KIAA0825: variants seen among roughly 807,000 people sequenced by gnomAD.
KIAA0825 encodes the protein KIAA0825.
A neutral mutation model predicts 147.6 loss-of-function variants in KIAA0825; 119 were observed. The ratio of observed to expected loss-of-function variants is 0.81; its 90% CI spans 0.69 to 0.94. The LOEUF is 0.94. KIAA0825 is among the 40% of genes least tolerant of loss of function. The pLI is 0.00. For missense variants in KIAA0825, 1,381 were observed against 1,472.7 expected, an observed-to-expected ratio of 0.94 and a Z score of 1.02; for synonymous variants, 470 against 518.1, an observed-to-expected ratio of 0.91 and a Z score of 1.26.
At chr5:94,580,300 T>C (rs1327312750) in intron 2 of KIAA0825, among the ~76,000 whole-genome samples, 1 of 152,164 alleles carries the variant, frequency 6.6e-6, no homozygotes, top group African/African-American at 2.4e-5. Flanking sequence ...CAAGAAAAAG[T>C]CAATAAATAA....
Position 94,200,946 on chromosome 5 carries a change from C to CATATATATATATAT in KIAA0825, c.3711-46836_3711-46823dup, listed in dbSNP as rs34842887. ...TTTCTCTAGAAATATAGAATTTAAACATATATATATATATATATATATATA... is the reference window on the plus strand; with the variant it reads ...TTTCTCTAGAAATATAGAATTTAAACATATATATATATATATATATATATATATATATATATATA... On this transcript the variant is annotated intron_variant, in intron 20 of 20. Transcript: ENST00000682413. 1.9e-3 allele frequency among the ~76,000 whole-genome samples: 199 copies of CATATATATATATAT among 103,870 alleles called. 2 individuals carry two copies. The highest frequency in any genetic ancestry group is 3.0e-3 in the South Asian group (8 of 2,692). The allele number at this position is 103,870 out of a possible 152,430, so 68.1% of individuals were successfully genotyped here. A position where few individuals can be genotyped will look rare whatever the true frequency, so the allele number is the denominator to read the frequency against.
At chr5:94,162,372 T>G (rs574464953) in intron 20 of KIAA0825, among the ~76,000 whole-genome samples, 2 of 152,046 alleles carry the variant, frequency 1.3e-5, no homozygotes, top group African/African-American at 2.4e-5. Context: ...TGATCATAGT[T>G]CATTATAGCC....
chr5:94,253,826 A>G (rs1776101629), intron 20 of KIAA0825, among the ~76,000 whole-genome samples: 1 of 152,138 alleles, frequency 6.6e-6, no homozygotes, highest in Non-Finnish European at 1.5e-5. Flanking sequence ...AAAAGATATC[A>G]TCAATCCCAA....
intron 20 of KIAA0825, among the ~76,000 whole-genome samples, chr5:94,179,492 G>A (rs1268738390): frequency 1.3e-5 from 2 of 152,220 alleles, no homozygotes; most frequent in East Asian, 3.9e-4. Context: ...GTTTTGATGT[G>A]TGTGTATGCA....
intron 3 of KIAA0825, among the ~76,000 whole-genome samples, chr5:94,533,170 G>C (rs1389576795): frequency 6.6e-6 from 1 of 151,576 alleles, no homozygotes; most frequent in Non-Finnish European, 1.5e-5. Flanking sequence ...AGTAGAGGCA[G>C]GGTTTCACCG....
At chr5:94,232,624 G>C (rs1347316845) in intron 20 of KIAA0825, among the ~76,000 whole-genome samples, 1 of 152,002 alleles carries the variant, frequency 6.6e-6, no homozygotes, top group Non-Finnish European at 1.5e-5. Context: ...TTAATAACTT[G>C]CAATAACAAA....
At chr5:94,612,958 T>G (rs1484635358) in intron 1 of KIAA0825, among the ~76,000 whole-genome samples, 1 of 152,220 alleles carries the variant, frequency 6.6e-6, no homozygotes, top group African/African-American at 2.4e-5. Flanking sequence ...TTGATAGTAT[T>G]ACTTTACAGA....
chr5:94,397,484 C>G (rs1296496101), intron 16 of KIAA0825, among the ~76,000 whole-genome samples: 2 of 152,186 alleles, frequency 1.3e-5, no homozygotes, highest in African/African-American at 4.8e-5. Context: ...CTTATAAAGA[C>G]TGTTCCAATT....
intron 20 of KIAA0825, among the ~76,000 whole-genome samples, chr5:94,314,038 C>A (rs1234629702): frequency 1.3e-5 from 2 of 151,586 alleles, no homozygotes; most frequent in Admixed American, 6.6e-5. Context: ...CTCAGGGGAA[C>A]TTCTACTTGC....
At chr5:94,272,470 C>T (rs1283095193) in intron 20 of KIAA0825, among the ~76,000 whole-genome samples, 1 of 152,004 alleles carries the variant, frequency 6.6e-6, no homozygotes, top group Non-Finnish European at 1.5e-5. Flanking sequence ...TAAATATATA[C>T]ACCTACTATG....
chr5:94,194,389 C>T (rs1770939721), intron 20 of KIAA0825, among the ~76,000 whole-genome samples: 1 of 152,138 alleles, frequency 6.6e-6, no homozygotes, highest in Non-Finnish European at 1.5e-5. Context: ...CCCTCTCTCT[C>T]ACTGGGATCT....
chr5:94,508,859 T>C (rs1766104585), intron 5 of KIAA0825, among the ~76,000 whole-genome samples: 1 of 152,200 alleles, frequency 6.6e-6, no homozygotes, highest in Non-Finnish European at 1.5e-5. Flanking sequence ...GAGAAGGGAA[T>C]TGCATGTGTC....
chr5:94,552,143 C>T (rs1775666729), intron 2 of KIAA0825, among the ~76,000 whole-genome samples: 1 of 152,016 alleles, frequency 6.6e-6, no homozygotes, highest in African/African-American at 2.4e-5. Flanking sequence ...GATAAAAATA[C>T]TTCAAGTAAA....
intron 1 of KIAA0825, among the ~76,000 whole-genome samples, chr5:94,590,818 A>G (rs187405488): frequency 4.7e-4 from 71 of 152,364 alleles, no homozygotes; most frequent in African/African-American, 1.6e-3. Context: ...ATGCATAAAG[A>G]GAAAAAAGTA....
chr5:94,329,345 C>A (rs976883961), intron 20 of KIAA0825, among the ~76,000 whole-genome samples: 1 of 151,982 alleles, frequency 6.6e-6, no homozygotes, highest in Non-Finnish European at 1.5e-5. Context: ...TTTAAGAAAA[C>A]TTTCCAGAAA....
intron 1 of KIAA0825, among the ~76,000 whole-genome samples, chr5:94,603,180 G>A (rs1289300962): frequency 2.6e-5 from 4 of 152,164 alleles, no homozygotes; most frequent in African/African-American, 9.6e-5. Context: ...CAGCATGAGA[G>A]AAAAGTCACT....
At chr5:94,235,072 G>T (rs978738859) in intron 20 of KIAA0825, among the ~76,000 whole-genome samples, 1 of 151,330 alleles carries the variant, frequency 6.6e-6, no homozygotes, top group Non-Finnish European at 1.5e-5. Flanking sequence ...CCTTACAATT[G>T]TGCCTAAGTG....
rs142951905 is a variant in KIAA0825, at chr5:94,380,082, T to G, written c.3710+4286A>C. ...GTTAGCCAGGATGGTCTCGATCTCCTGACCTCATGATCCACCCGCCTCAGC... is the reference window on the plus strand; with the variant it reads ...GTTAGCCAGGATGGTCTCGATCTCCGGACCTCATGATCCACCCGCCTCAGC... On this transcript the variant is annotated intron_variant, in intron 20 of 20. Transcript: ENST00000682413. Among the ~76,000 whole-genome samples, 4 of 152,104 alleles carry G rather than the reference T, an allele frequency of 2.6e-5. No individual in the cohort carries two copies. In the East Asian group the frequency reaches 7.7e-4, roughly 29 times the overall value.
chr5:94,440,132 G>C lies in KIAA0825; in HGVS notation c.2358-11C>G. ...CCAGCTGATGGAGTCCTTTCAAAAT[G>C]CAAGATAAAGATGGAGTAATGAAGT... On this transcript the variant is annotated splice_polypyrimidine_tract_variant and intron_variant, in intron 13 of 20. Coordinates refer to ENST00000682413, the MANE Select transcript of KIAA0825 (RefSeq NM_001145678.3). 6.5e-7 allele frequency: 1 copy of C among 1,549,838 alleles called. No homozygotes were observed. Among genetic ancestry groups the C allele is most frequent in the Non-Finnish European group, 8.7e-7 (1 of 1,146,130 alleles).
Sources: gnomAD v4.1 joint callset for allele counts (sites outside exome capture counted in the v4.1 genomes callset) on GRCh38, gnomAD v4.1.1 for gene constraint, MANE v1.5 for transcripts, NCBI Gene and HGNC (gene_info 2026-07-23, HGNC 2026-07-21) for gene names.